Variants in TMC1 observed in about 807,000 individuals in gnomAD.
The protein encoded by TMC1 is transmembrane channel like 1.
TMC1 carries 84 observed loss-of-function variants against 105.8 expected under a neutral mutation model. The ratio of observed to expected loss-of-function variants is 0.79; its 90% CI spans 0.67 to 0.95. The LOEUF (loss-of-function observed/expected upper bound fraction) is 0.95. TMC1 is among the 40% of genes least tolerant of loss of function. The pLI, the probability that TMC1 is intolerant of heterozygous loss-of-function variation, is 0.00. For synonymous variants in TMC1, 315 were observed against 311.5 expected, an observed-to-expected ratio of 1.01 and a Z score of -0.12; for missense variants, 817 against 914.1, an observed-to-expected ratio of 0.89 and a Z score of 1.37.
intron 8 of TMC1, among the ~76,000 whole-genome samples, chr9:72,733,542 G>GT (rs1326095215): frequency 6.6e-6 from 1 of 152,132 alleles, no homozygotes; most frequent in Non-Finnish European, 1.5e-5. Flanking sequence ...CCTGTTAGTA[G>GT]TATTGCTGCT....
intron 8 of TMC1, among the ~76,000 whole-genome samples, chr9:72,702,967 T>A (rs974948508): frequency 6.6e-6 from 1 of 152,138 alleles, no homozygotes; most frequent in Non-Finnish European, 1.5e-5. Flanking sequence ...CACCTGACTC[T>A]AATCTAGACA....
intron 5 of TMC1, among the ~76,000 whole-genome samples, chr9:72,650,957 A>G (rs1032450739): frequency 2.6e-5 from 3 of 113,898 alleles, no homozygotes; most frequent in Non-Finnish European, 3.6e-5. Context: ...TCACATATAT[A>G]TATCACATAT....
At chr9:72,562,409 A>G (rs1290973213) in intron 1 of TMC1, among the ~76,000 whole-genome samples, 1 of 152,214 alleles carries the variant, frequency 6.6e-6, no homozygotes, top group African/African-American at 2.4e-5. Context: ...ACATTTTTAC[A>G]TATTTAGCAG....
intron 5 of TMC1, among the ~76,000 whole-genome samples, chr9:72,681,660 G>T (rs1035219724): frequency 6.6e-6 from 1 of 152,050 alleles, no homozygotes. Flanking sequence ...GAAGGAAAAC[G>T]TGCAAAAAAA....
intron 1 of TMC1, among the ~76,000 whole-genome samples, chr9:72,554,787 A>G (rs1354720206): frequency 3.3e-5 from 5 of 152,228 alleles, no homozygotes; most frequent in Non-Finnish European, 4.4e-5. Flanking sequence ...TTCTATAAAG[A>G]CAGTTAAAGT....
intron 1 of TMC1, among the ~76,000 whole-genome samples, chr9:72,553,617 T>G (rs891187034): frequency 1.3e-5 from 2 of 152,164 alleles, no homozygotes; most frequent in African/African-American, 4.8e-5. Flanking sequence ...TTTTGCTGAT[T>G]TTTTTTTCTC....
intron 1 of TMC1, among the ~76,000 whole-genome samples, chr9:72,572,061 C>A (rs1225624741): frequency 3.3e-5 from 5 of 152,202 alleles, no homozygotes; most frequent in Non-Finnish European, 7.3e-5. Context: ...GTCTCGAACT[C>A]CCAACCTCAG....
At chr9:72,571,529 C>G (rs951260500) in intron 1 of TMC1, among the ~76,000 whole-genome samples, 28 of 150,416 alleles carry the variant, frequency 1.9e-4, no homozygotes, top group African/African-American at 6.6e-4. Context: ...CTCACTGCAC[C>G]TCCACCTCCT....
chr9:72,739,416 A>G (rs1827352506), intron 8 of TMC1, among the ~76,000 whole-genome samples: 2 of 152,254 alleles, frequency 1.3e-5, no homozygotes, highest in Non-Finnish European at 2.9e-5. Context: ...CAAAAATTAT[A>G]GTGTATGTAG....
In TMC1 at chr9:72,780,022, A is replaced by G. The variant is rs140088651; in HGVS notation, c.884+7467A>G. ...TTAAAGGCAGCTGGAGAGAAGGGAA[A>G]GACATCTATAAAAAGAACCCATCAC... On this transcript the variant is annotated intron_variant, in intron 13 of 23. Coordinates refer to ENST00000297784, the MANE Select transcript of TMC1 (RefSeq NM_138691.3). Among the ~76,000 whole-genome samples the G allele has an allele frequency of 4.6e-3, 705 of 152,272 alleles. 6 individuals carry two copies. The highest frequency in any genetic ancestry group is 0.015 in the African/African-American group (626 of 41,556).
intron 4 of TMC1, 122 bp downstream of exon 4, chr9:72,628,185 G>T: frequency 5.2e-6 from 2 of 386,250 alleles, no homozygotes; most frequent in South Asian, 3.7e-5. Flanking sequence ...TGAGGCCTGG[G>T]TTTGCTAAAT....
rs527633019 is a variant in TMC1, at chr9:72,553,043, G to A, written c.-427-24859G>A. ...GGCTGGAGTGCAACGGCATGATCTCGGGTCACAGCAACCTCTGCCTCCCAG... is the reference window on the plus strand; with the variant it reads ...GGCTGGAGTGCAACGGCATGATCTCAGGTCACAGCAACCTCTGCCTCCCAG... On this transcript the variant is annotated intron_variant, in intron 1 of 23. Transcript: ENST00000297784. 5.3e-5 allele frequency among the ~76,000 whole-genome samples: 8 copies of A among 151,836 alleles called. No homozygotes were observed. The East Asian group carries it at 5.8e-4, about 11-fold the overall frequency.
At chr9:72,737,328 A>T (rs1024761016) in intron 8 of TMC1, among the ~76,000 whole-genome samples, 2 of 152,234 alleles carry the variant, frequency 1.3e-5, no homozygotes, top group Non-Finnish European at 2.9e-5. Flanking sequence ...ATTGCCGTAG[A>T]ATTGACTGTG....
At chr9:72,648,566 A>G in intron 4 of TMC1, 31 bp from the exon 5 acceptor site, 1 of 1,296,726 alleles carries the variant, frequency 7.7e-7, no homozygotes, top group Non-Finnish European at 1.1e-6. Flanking sequence ...TGCTAGATCA[A>G]ACCTGAAATA....
intron 2 of TMC1, among the ~76,000 whole-genome samples, chr9:72,596,932 G>T (rs1824731090): frequency 6.6e-6 from 1 of 152,222 alleles, no homozygotes; most frequent in South Asian, 2.1e-4. Flanking sequence ...TATGTACCAT[G>T]AAACCTTAGA....
chr9:72,823,714 A>C (rs1208620840), intron 20 of TMC1, among the ~76,000 whole-genome samples: 2 of 152,196 alleles, frequency 1.3e-5, no homozygotes. Context: ...CTGACACCTG[A>C]TGTTTCCTCC....
At chr9:72,678,594 G>A (rs1826240642) in intron 5 of TMC1, among the ~76,000 whole-genome samples, 1 of 151,906 alleles carries the variant, frequency 6.6e-6, no homozygotes. Flanking sequence ...TTGGCACAAA[G>A]AAGGATCTTA....
Position 72,557,428 on chromosome 9 carries a change from TG to T in TMC1, c.-427-20471del, listed in dbSNP as rs368304256. On this transcript the variant is annotated intron_variant, in intron 1 of 23. Transcript: ENST00000297784. ...AATGTTTACAGTGATTACTTCTGGA[TG>T]GGATTATGATAATTGTTTCTCTACT... 6.2e-3 allele frequency among the ~76,000 whole-genome samples: 948 copies of T among 152,322 alleles called. 13 individuals carry two copies. The highest frequency in any genetic ancestry group is 0.022 in the African/African-American group (912 of 41,572).
rs1272303257 is a variant in TMC1 at position 72,836,225 on chromosome 9, T to G, written c.*252T>G. ...TCCCCTGCTCCATTTCGTGACTTTT[T>G]TTTTTTTTTTAACAAATTGAGTTTA... On this transcript the variant is annotated 3_prime_UTR_variant, in exon 24 of 24. Coordinates refer to ENST00000297784, the MANE Select transcript of TMC1 (RefSeq NM_138691.3). 1 of 547,626 alleles carries G rather than the reference T, an allele frequency of 1.8e-6. No homozygotes were observed. Among genetic ancestry groups the G allele is most frequent in the Non-Finnish European group, 3.3e-6 (1 of 307,600 alleles). 33.9% of individuals were successfully genotyped at this position (547,626 alleles called of 1,614,324 possible).
Sources: gnomAD v4.1 joint callset for allele counts (sites outside exome capture counted in the v4.1 genomes callset) on GRCh38, gnomAD v4.1.1 for gene constraint, MANE v1.5 for transcripts, NCBI Gene and HGNC (gene_info 2026-07-23, HGNC 2026-07-21) for gene names.